Variants in CRX observed in about 807,000 individuals in gnomAD.
CRX encodes the protein cone-rod homeobox.
A neutral mutation model predicts 13.1 loss-of-function variants in CRX; 5 were observed. The ratio of observed to expected loss-of-function variants is 0.38; its 90% CI spans 0.20 to 0.80. The LOEUF is 0.80. Among genes scored for constraint, CRX ranks in the 30% least tolerant of loss-of-function variants. The pLI is 0.43. For missense variants in CRX, 351 were observed against 391.8 expected, an observed-to-expected ratio of 0.90 and a Z score of 0.88; for synonymous variants, 179 against 171.1, an observed-to-expected ratio of 1.05 and a Z score of -0.36.
At chr19:47,838,941 C>A (rs1333673244) in intron 3 of CRX, among the ~76,000 whole-genome samples, 2 of 137,000 alleles carry the variant, frequency 1.5e-5, no homozygotes, top group Admixed American at 7.4e-5. Flanking sequence ...ATATGTATAA[C>A]TGTACGTGTG....
chr19:47,826,867 G>A (rs1180943741), intron 1 of CRX, among the ~76,000 whole-genome samples: 1 of 152,180 alleles, frequency 6.6e-6, no homozygotes, highest in Non-Finnish European at 1.5e-5. Flanking sequence ...GTGGTCAGAT[G>A]TCGGCCAGGA....
chr19:47,838,609 ATGTATGATGTATATG>A (rs1268080160), intron 3 of CRX, among the ~76,000 whole-genome samples: 1 of 152,094 alleles, frequency 6.6e-6, no homozygotes, highest in Non-Finnish European at 1.5e-5. Context: ...CAGTGAATGT[ATGTATGATGTATATG>A]TGTATGATGT....
At chr19:47,823,507 C>T (rs924944411) in intron 1 of CRX, among the ~76,000 whole-genome samples, 11 of 152,132 alleles carry the variant, frequency 7.2e-5, no homozygotes, top group African/African-American at 2.7e-4. Flanking sequence ...GTGGGTGCAT[C>T]CACCCAGCTC....
chr19:47,836,786 T>C (rs948616363), intron 3 of CRX, among the ~76,000 whole-genome samples: 2 of 152,064 alleles, frequency 1.3e-5, no homozygotes, highest in African/African-American at 4.8e-5. Flanking sequence ...TATCTCAGAG[T>C]CTGTTTATTT....
chr19:47,837,054 G>C (rs1201652004), intron 3 of CRX, among the ~76,000 whole-genome samples: 1 of 152,144 alleles, frequency 6.6e-6, no homozygotes, highest in Non-Finnish European at 1.5e-5. Flanking sequence ...ATGTGTGTTT[G>C]CATGAACGCA....
Position 47,832,105 on chromosome 19 carries a change from G to GTTTTTGTTTTTTTTT in CRX, c.-35-2299_-35-2298insGTTTTTTTTTTTTTT, listed in dbSNP as rs1555801483. Among the ~76,000 whole-genome samples the GTTTTTGTTTTTTTTT allele has an allele frequency of 2.1e-4, 19 of 91,986 alleles. 1 individual carries two copies. The highest frequency in any genetic ancestry group is 3.1e-4 in the Non-Finnish European group (15 of 48,600). The allele number at this position is 91,986 out of a possible 152,430, so 60.3% of individuals were successfully genotyped here. A position where few individuals can be genotyped will look rare whatever the true frequency, so the allele number is the denominator to read the frequency against. The stretch of plus-strand genomic sequence containing the variant: ...AAATCAGTTCAGAGAGCAGCCTTAT[G>GTTTTTGTTTTTTTTT]TTTTTTTTTTTTTTTTTTGAGACGG... On this transcript the variant is annotated intron_variant, in intron 1 of 3. Transcript: ENST00000221996.
In CRX at chr19:47,839,202, G is replaced by A; in HGVS notation, c.253-118G>A. On this transcript the variant is annotated intron_variant, in intron 3 of 3. Coordinates refer to ENST00000221996, the MANE Select transcript of CRX (RefSeq NM_000554.6). This position sits in a 1 kb window ranked among gnomAD's most constrained non-coding sequence, Gnocchi z 4.6. ...TAGACGCCCCACAGCTGGATGCAAA[G>A]TAGACAGATGTGAACCCAGCACCTC... The A allele has an allele frequency of 9.0e-7, 1 of 1,114,016 alleles. No individual in the cohort carries two copies. The highest frequency in any genetic ancestry group is 1.3e-6 in the Non-Finnish European group (1 of 778,536). The allele number at this position is 1,114,016 out of a possible 1,614,324, so 69.0% of individuals were successfully genotyped here.
At position 47,840,170 on chromosome 19, in the gene CRX, A is replaced by C; in HGVS notation, c.*203A>C. 1 of 607,122 alleles carries C rather than the reference A, an allele frequency of 1.6e-6. No individual in the cohort carries two copies. The highest frequency in any genetic ancestry group is 2.9e-6 in the Non-Finnish European group (1 of 343,948). The allele number at this position is 607,122 out of a possible 1,614,324, so 37.6% of individuals were successfully genotyped here. A position where few individuals can be genotyped will look rare whatever the true frequency, so the allele number is the denominator to read the frequency against. ...TCCTCCCTCTCCTGGGACAGCTCAC[A>C]GGTCCTAGTGATTCTCTCAACCCTA... On this transcript the variant is annotated 3_prime_UTR_variant, in exon 4 of 4. Transcript: ENST00000221996.
chr19:47,839,971 A>T lies in CRX; in HGVS notation c.*4A>T. On this transcript the variant is annotated 3_prime_UTR_variant, in exon 4 of 4. Coordinates refer to ENST00000221996, the MANE Select transcript of CRX (RefSeq NM_000554.6). The surrounding 1 kb of genome is among the most constrained non-coding windows in gnomAD (Gnocchi z 4.6). Reference sequence around the variant, plus strand: ...CTGGAAGTTTCAGATCTTGTAGAGGACGCAGTCTCCATCTCTCTCCATCGG... The same window carrying T: ...CTGGAAGTTTCAGATCTTGTAGAGGTCGCAGTCTCCATCTCTCTCCATCGG... The T allele has an allele frequency of 1.2e-6, 2 of 1,612,960 alleles. 1 individual carries two copies. The highest frequency in any genetic ancestry group is 1.7e-6 in the Non-Finnish European group (2 of 1,180,010).
At chr19:47,836,837 G>GGA (rs1174777446) in intron 3 of CRX, among the ~76,000 whole-genome samples, 1 of 152,094 alleles carries the variant, frequency 6.6e-6, no homozygotes, top group Non-Finnish European at 1.5e-5. Context: ...TTCCACTGAC[G>GGA]GACACTCAGA....
rs1968117786 is a variant in CRX, at chr19:47,836,344, G to A, written c.202G>A (p.Ala68Thr). Residue 68 changes from alanine (A) to threonine (T), a missense_variant, in exon 3 of 4, where the codon GCC becomes ACC. Physicochemically the swap from Ala to Thr is moderately conservative, Grantham distance 58. Around this residue, in one of 3 missense-constraint regions of CRX, gnomAD observed 95 missense variants for 106.7 expected, o/e 0.89. Transcript: ENST00000221996. ...CAAGACCCAGTACCCAGACGTCTAT[G>A]CCCGTGAGGAGGTGGCTCTGAAGAT... is the stretch of plus-strand genomic sequence containing the variant. ...FAKTQYPDVY[A>T]REEVALKINL... The A allele has an allele frequency of 6.2e-7, 1 of 1,614,206 alleles. No homozygotes were observed. Among genetic ancestry groups the A allele is most frequent in the Non-Finnish European group, 8.5e-7 (1 of 1,180,036 alleles).
At chr19:47,838,331 TTA>T (rs1232069368) in intron 3 of CRX, among the ~76,000 whole-genome samples, 1 of 152,090 alleles carries the variant, frequency 6.6e-6, no homozygotes, top group African/African-American at 2.4e-5. Flanking sequence ...CTGGATGGGT[TTA>T]TTTGTGTATA....
Position 47,840,058 on chromosome 19 carries a change from C to T in CRX, c.*91C>T, listed in dbSNP as rs1968176374. On this transcript the variant is annotated 3_prime_UTR_variant, in exon 4 of 4. Coordinates refer to ENST00000221996, the MANE Select transcript of CRX (RefSeq NM_000554.6). ...GCAGTTTAGATCCCGGGATGGCATT[C>T]CTGAGAAAGCAACCCGAACCAGCTG... 1.3e-6 allele frequency: 2 copies of T among 1,496,546 alleles called. No homozygotes were observed. Among genetic ancestry groups the T allele is most frequent in the African/African-American group, 2.8e-5 (2 of 72,722 alleles). 92.7% of individuals were successfully genotyped at this position (1,496,546 alleles called of 1,614,324 possible).
chr19:47,829,802 G>GTA (rs1968021899), intron 1 of CRX, among the ~76,000 whole-genome samples: 2 of 107,914 alleles, frequency 1.9e-5, no homozygotes, highest in African/African-American at 6.6e-5. Flanking sequence ...ACCAATTTTT[G>GTA]TATTTTTTTT....
chr19:47,832,633 G>A (rs1968066646), intron 1 of CRX, among the ~76,000 whole-genome samples: 1 of 151,502 alleles, frequency 6.6e-6, no homozygotes, highest in Admixed American at 6.6e-5. Context: ...CTACAGGCGT[G>A]CACCCCTGTG....
rs888602992 is a variant in CRX at position 47,832,254 on chromosome 19, C to T, written c.-35-2155C>T. ...CCGAGTAGCTGGGATTACAGGCACGCGCCACCATGCCCGGCTAATTTTTGT... is the reference window on the plus strand; with the variant it reads ...CCGAGTAGCTGGGATTACAGGCACGTGCCACCATGCCCGGCTAATTTTTGT... On this transcript the variant is annotated intron_variant, in intron 1 of 3. Coordinates refer to ENST00000221996, the MANE Select transcript of CRX (RefSeq NM_000554.6). Among the ~76,000 whole-genome samples the T allele has an allele frequency of 2.7e-5, 4 of 147,392 alleles. 1 individual carries two copies. The highest frequency in any genetic ancestry group is 1.0e-4 in the African/African-American group (4 of 38,098).
At chr19:47,822,410 G>T (rs557722581) in intron 1 of CRX, among the ~76,000 whole-genome samples, 2 of 152,320 alleles carry the variant, frequency 1.3e-5, no homozygotes, top group Non-Finnish European at 2.9e-5. Flanking sequence ...TCATTTGCGC[G>T]ATGATCCACA....
At position 47,841,018 on chromosome 19, in the gene CRX, A is replaced by G. The variant is rs1968190684; in HGVS notation, c.*1051A>G. On this transcript the variant is annotated 3_prime_UTR_variant, in exon 4 of 4. Coordinates refer to ENST00000221996, the MANE Select transcript of CRX (RefSeq NM_000554.6). ...CATGAGCCATTGTGCCTGGCCCTAC[A>G]CGTGGACACTTCTTTAGCATATGGT... is the stretch of plus-strand genomic sequence containing the variant. 1.3e-5 allele frequency: 2 copies of G among 152,154 alleles called. No homozygotes were observed. Among genetic ancestry groups the G allele is most frequent in the Admixed American group, 1.3e-4 (2 of 15,250 alleles). The allele number at this position is 152,154 out of a possible 1,614,324, so 9.4% of individuals were successfully genotyped here.
chr19:47,827,659 G>A (rs531702611), intron 1 of CRX, among the ~76,000 whole-genome samples: 1 of 146,822 alleles, frequency 6.8e-6, no homozygotes, highest in Non-Finnish European at 1.5e-5. Context: ...AAGTAGTTGG[G>A]ATTACAGGCA....
Sources: gnomAD v4.1 joint callset for allele counts (sites outside exome capture counted in the v4.1 genomes callset) on GRCh38, gnomAD v4.1.1 for gene constraint, gnomAD v4.1.1 regional missense constraint, Gnocchi (gnomAD v3.1) non-coding constraint, MANE v1.5 for transcripts, NCBI Gene and HGNC (gene_info 2026-07-23, HGNC 2026-07-21) for gene names.